The following WDR11 variants were observed in gnomAD, a reference collection of about 807,000 sequenced individuals.
WDR11 encodes the protein WD repeat-containing protein 11.
Under a neutral mutation model 151.2 loss-of-function variants are expected in WDR11, and 83 were observed. The ratio of observed to expected loss-of-function variants is 0.55; its 90% CI spans 0.46 to 0.66. The LOEUF is 0.66. Ranked by LOEUF, WDR11 falls within the 30% of genes least tolerant of loss-of-function variation. WDR11 has a pLI of 0.00. For synonymous variants in WDR11, 484 were observed against 533.1 expected, an observed-to-expected ratio of 0.91 and a Z score of 1.27; for missense variants, 1,301 against 1,480.9, an observed-to-expected ratio of 0.88 and a Z score of 1.99.
rs768044818 is a variant in WDR11 at position 120,860,193 on chromosome 10, C to T, written c.437C>T (p.Ala146Val). Residue 146 changes from alanine (A) to valine (V), a missense_variant, in exon 4 of 29, where the codon GCC (alanine) becomes GTC (valine). Around this residue, in one of 3 missense-constraint regions of WDR11, gnomAD observed 692 missense variants for 762.5 expected, o/e 0.91. Coordinates refer to ENST00000263461, the MANE Select transcript of WDR11 (RefSeq NM_018117.12). ...CCAAATTACATTGTGCTCTGGAATG[C>T]CGACACTGGCACCAAACTATGGAAG... ...HPPNYIVLWNADTGTKLWKKS... is the reference protein window; with the variant it reads ...HPPNYIVLWNVDTGTKLWKKS... The T allele has an allele frequency of 6.2e-7, 1 of 1,614,124 alleles. No homozygotes were observed. Among genetic ancestry groups the T allele is most frequent in the Admixed American group, 1.7e-5 (1 of 60,026 alleles).
chr10:120,890,048 T>A (rs760181646), intron 18 of WDR11, 39 bp downstream of exon 18: 1 of 1,411,888 alleles, frequency 7.1e-7, no homozygotes, highest in Non-Finnish European at 1.0e-6. Flanking sequence ...AAATAAATTG[T>A]TAGCCATAGG....
chr10:120,857,565 T>G (rs558185111), intron 2 of WDR11, among the ~76,000 whole-genome samples: 2 of 152,108 alleles, frequency 1.3e-5, no homozygotes, highest in African/African-American at 4.8e-5. Flanking sequence ...ATTTAAAAAT[T>G]TTTGCCTGAG....
At chr10:120,899,832 T>C (rs1847748855) in intron 19 of WDR11, 197 bp from the exon 20 acceptor site, 1 of 598,776 alleles carries the variant, frequency 1.7e-6, no homozygotes, top group African/African-American at 1.9e-5. Context: ...GAAAAATATG[T>C]TAATCAGATT....
chr10:120,864,088 C>T (rs1846230583), intron 5 of WDR11, among the ~76,000 whole-genome samples: 1 of 152,108 alleles, frequency 6.6e-6, no homozygotes, highest in Non-Finnish European at 1.5e-5. Context: ...AGTAGAACCG[C>T]TCTGGGTGCT....
At chr10:120,857,865 T>C (rs890153521) in intron 2 of WDR11, among the ~76,000 whole-genome samples, 4 of 152,146 alleles carry the variant, frequency 2.6e-5, no homozygotes, top group African/African-American at 9.7e-5. Context: ...GAACTTACAG[T>C]TGATGGACTC....
intron 9 of WDR11, among the ~76,000 whole-genome samples, chr10:120,867,965 A>G (rs1846372413): frequency 6.6e-6 from 1 of 152,214 alleles, no homozygotes; most frequent in Admixed American, 6.5e-5. Flanking sequence ...TGTGATTTCA[A>G]ATTTTATGCT....
chr10:120,908,547 A>C lies in WDR11; in HGVS notation c.3518-9A>C, dbSNP rs370380854. 3 of 1,614,022 alleles carry C rather than the reference A, an allele frequency of 1.9e-6. No individual in the cohort carries two copies. The highest frequency in any genetic ancestry group is 1.7e-6 in the Non-Finnish European group (2 of 1,179,942). ...CTTTTTACTCTTCTTTTCCTTAACT[A>C]TGGTTTACAGAAACTCATCACTGCT... is the stretch of plus-strand genomic sequence containing the variant. On this transcript the variant is annotated splice_polypyrimidine_tract_variant and intron_variant, in intron 28 of 28. Transcript: ENST00000263461.
rs1023192451 is a variant in WDR11, at chr10:120,889,982, T to A, written c.2316T>A (p.Asp772Glu). ...GNQKLIAMYN[D>E]GAEVWDTKEV... ...AAAAATTAATAGCAATGTACAATGA[T>A]GGAGCTGAAGTGTGGGATACTAAAG... Residue 772 changes from aspartate to glutamate, a missense_variant, in exon 18 of 29, where the codon GAT (aspartate) becomes GAA (glutamate). Transcript: ENST00000263461. 4.3e-6 allele frequency: 7 copies of A among 1,613,536 alleles called. No homozygotes were observed. Among genetic ancestry groups the A allele is most frequent in the Non-Finnish European group, 5.1e-6 (6 of 1,179,618 alleles).
At chr10:120,881,756 C>G (rs1440406577) in intron 13 of WDR11, among the ~76,000 whole-genome samples, 6 of 152,012 alleles carry the variant, frequency 3.9e-5, no homozygotes, top group Non-Finnish European at 1.5e-5. Context: ...AGTATAGGTG[C>G]TTTTGTTAAT....
chr10:120,903,260 T>C lies in WDR11; in HGVS notation c.2931+28T>C, dbSNP rs377466851. On this transcript the variant is annotated intron_variant, in intron 23 of 28. Transcript: ENST00000263461. ...AGTCTGCTTCACACAGCAAAACCTT[T>C]AGAGCTGTCATCTTGATTACTTATA... 2.0e-5 allele frequency: 33 copies of C among 1,613,022 alleles called. No homozygotes were observed. The Admixed American group carries it at 4.0e-4, about 20-fold the overall frequency.
At chr10:120,875,990 T>TTTTTTTTC (rs1846768524) in intron 11 of WDR11, among the ~76,000 whole-genome samples, 1 of 149,028 alleles carries the variant, frequency 6.7e-6, no homozygotes, top group African/African-American at 2.5e-5. Flanking sequence ...TTTTTTTTTT[T>TTTTTTTTC]TTTTTGAGTT....
Position 120,901,035 on chromosome 10 carries a change from G to A in WDR11, c.2625-1G>A. 1.9e-6 allele frequency: 3 copies of A among 1,610,432 alleles called. No homozygotes were observed. The highest frequency in any genetic ancestry group is 2.5e-6 in the Non-Finnish European group (3 of 1,176,952). On this transcript the variant is annotated splice_acceptor_variant, in intron 20 of 28. Transcript: ENST00000263461. LOFTEE classifies it high-confidence loss of function. ...ACTCATTCAAAATTTTTTCTTTACA[G>A]TGACTATCCAGAAAATGAAGAAATA...
At chr10:120,878,729 A>G (rs1846892510) in intron 12 of WDR11, among the ~76,000 whole-genome samples, 1 of 152,206 alleles carries the variant, frequency 6.6e-6, no homozygotes, top group African/African-American at 2.4e-5. Flanking sequence ...TCTACTTTTA[A>G]GTGCATTGTT....
At chr10:120,864,335 G>A (rs2133742851) in intron 5 of WDR11, among the ~76,000 whole-genome samples, 1 of 152,280 alleles carries the variant, frequency 6.6e-6, no homozygotes, top group Non-Finnish European at 1.5e-5. Context: ...AAAATGAAAT[G>A]TAAAATGAAA....
At chr10:120,862,671 TG>T (rs1234294025) in intron 4 of WDR11, 63 bp from the exon 5 acceptor site, 1 of 1,518,508 alleles carries the variant, frequency 6.6e-7, no homozygotes, top group East Asian at 2.3e-5. Flanking sequence ...AAAATTGTAT[TG>T]GAATAAAACT....
intron 3 of WDR11, 52 bp downstream of exon 3, chr10:120,858,848 A>G (rs549450771): frequency 6.2e-7 from 1 of 1,611,282 alleles, no homozygotes; most frequent in East Asian, 2.2e-5. Flanking sequence ...TTACTCTTGG[A>G]GTGGTTTTTT....
intron 2 of WDR11, among the ~76,000 whole-genome samples, chr10:120,855,392 T>C (rs7092537): frequency 0.3 from 46,034 of 151,966 alleles, 7,370 homozygotes; most frequent in East Asian, 0.42. Flanking sequence ...TAGACTTTTT[T>C]GTGTCATATG....
intron 13 of WDR11, among the ~76,000 whole-genome samples, chr10:120,883,553 C>A (rs1847104354): frequency 6.6e-6 from 1 of 152,124 alleles, no homozygotes; most frequent in African/African-American, 2.4e-5. Context: ...ACTCTTTCTT[C>A]CAAGTTGGAC....
At chr10:120,890,252 G>A (rs184702198) in intron 18 of WDR11, among the ~76,000 whole-genome samples, 13 of 151,458 alleles carry the variant, frequency 8.6e-5, no homozygotes, top group African/African-American at 1.9e-4. Context: ...CACTCTTGTC[G>A]CCCAGGCTGG....
Sources: gnomAD v4.1 joint callset for allele counts (sites outside exome capture counted in the v4.1 genomes callset) on GRCh38, gnomAD v4.1.1 for gene constraint, gnomAD v4.1.1 regional missense constraint, MANE v1.5 for transcripts, NCBI Gene and HGNC (gene_info 2026-07-23, HGNC 2026-07-21) for gene names.